BTD: variants seen among roughly 807,000 people sequenced by gnomAD.
BTD encodes the protein biotinidase, also known as biocytinase.
Under a neutral mutation model 17.7 loss-of-function variants are expected in BTD, and 13 were observed. The observed-to-expected ratio is 0.74, with a 90% CI of 0.48 to 1.17. The LOEUF (loss-of-function observed/expected upper bound fraction) is 1.17, where lower values mean the gene tolerates loss of function less well. BTD is among the 50% of genes most tolerant of loss of function. BTD has a pLI of 0.00. For missense variants in BTD, 674 were observed against 650.4 expected (o/e 1.04, Z -0.39); for synonymous variants, 240 against 245.2 (o/e 0.98, Z 0.20).
chr3:15,690,591 G>T (rs2068658138), intron 3 of BTD, among the ~76,000 whole-genome samples: 1 of 152,078 alleles, frequency 6.6e-6, no homozygotes, highest in Non-Finnish European at 1.5e-5. Flanking sequence ...TTGAGACAGG[G>T]TCTTGCTCTG....
intron 3 of BTD, among the ~76,000 whole-genome samples, chr3:15,688,149 T>C (rs1341263494): frequency 6.6e-6 from 1 of 152,234 alleles, no homozygotes; most frequent in Non-Finnish European, 1.5e-5. Context: ...CAGTTCAATA[T>C]TTACCTATTG....
intron 3 of BTD, among the ~76,000 whole-genome samples, chr3:15,674,196 A>AAAAAAAAAAAAAAAAAAAAACAAAAAAG (rs1470515364): frequency 7.7e-6 from 1 of 130,082 alleles, no homozygotes; most frequent in Non-Finnish European, 1.5e-5. Flanking sequence ...AAAAAAAAAA[A>AAAAAAAAAAAAAAAAAAAAACAAAAAAG]AAGAAGAAGA....
intron 1 of BTD, among the ~76,000 whole-genome samples, chr3:15,612,665 G>C (rs2064670194): frequency 6.7e-6 from 1 of 148,630 alleles, no homozygotes; most frequent in South Asian, 2.1e-4. Context: ...TTTCTGGTGA[G>C]TTTTCTTCAA....
chr3:15,619,650 G>T (rs899601675), intron 1 of BTD, among the ~76,000 whole-genome samples: 1 of 152,182 alleles, frequency 6.6e-6, no homozygotes, highest in African/African-American at 2.4e-5. Flanking sequence ...ATTTTGCTAA[G>T]GATTATTGCA....
At chr3:15,661,534 T>C (rs1465947510) in intron 3 of BTD, among the ~76,000 whole-genome samples, 1 of 152,194 alleles carries the variant, frequency 6.6e-6, no homozygotes, top group African/African-American at 2.4e-5. Flanking sequence ...AAGGGTTCTT[T>C]GTATATTTTG....
chr3:15,702,512 TTC>T lies in BTD; in HGVS notation c.400-7546_400-7545del, dbSNP rs780956870. Among the ~76,000 whole-genome samples, 63 of 152,296 alleles carry T rather than the reference TTC, an allele frequency of 4.1e-4. No homozygotes were observed. In the Middle Eastern group the frequency reaches 0.01, roughly 25 times the overall value. On this transcript the variant is annotated intron_variant, in intron 3 of 3. Transcript: ENST00000672141. ...AAAAAATATTTAAGGCTAAACAATA[TTC>T]TGTTACAATTTTTTCCTCAATGTTA...
At chr3:15,688,236 TAATA>T (rs1463035802) in intron 3 of BTD, among the ~76,000 whole-genome samples, 1 of 152,236 alleles carries the variant, frequency 6.6e-6, no homozygotes, top group African/African-American at 2.4e-5. Context: ...AGCTATAGAT[TAATA>T]TTTTTAAAAT....
In BTD at chr3:15,665,595, A is replaced by T. The variant is rs1275239417; in HGVS notation, c.399+23538A>T. Among the ~76,000 whole-genome samples, 5 of 152,226 alleles carry T rather than the reference A, an allele frequency of 3.3e-5. No homozygotes were observed. In the East Asian group the frequency reaches 9.6e-4, roughly 29 times the overall value. On this transcript the variant is annotated intron_variant, in intron 3 of 3. Transcript: ENST00000672141. ...ACCAAGCATTCCCATGGAAAAGTTG[A>T]AACAGCAACAAATCGGTTGGCATCA...
chr3:15,657,188 A>G (rs1203460531), downstream of BTD, among the ~76,000 whole-genome samples: 7 of 152,222 alleles, frequency 4.6e-5, no homozygotes, highest in African/African-American at 1.7e-4. Flanking sequence ...GGCCAGAAAC[A>G]GGCACAGTGG....
intron 3 of BTD, among the ~76,000 whole-genome samples, chr3:15,664,797 AT>A (rs533617837): frequency 1.3e-5 from 2 of 152,118 alleles, no homozygotes; most frequent in Non-Finnish European, 2.9e-5. Context: ...TTAAATTACT[AT>A]TTTTTTCAAT....
At chr3:15,608,837 A>G (rs1165834608) in intron 1 of BTD, among the ~76,000 whole-genome samples, 1 of 152,040 alleles carries the variant, frequency 6.6e-6, no homozygotes, top group Non-Finnish European at 1.5e-5. Context: ...AGTGTCCCAC[A>G]GGGTAGGCAA....
At chr3:15,656,112 A>G (rs1259355300), downstream of BTD, among the ~76,000 whole-genome samples, 1 of 152,074 alleles carries the variant, frequency 6.6e-6, no homozygotes, top group Non-Finnish European at 1.5e-5. Context: ...CTACTTTGTT[A>G]TTATTATAGA....
In BTD at chr3:15,650,939, T is replaced by C. The variant is rs2125525891; in HGVS notation, c.*5451T>C. 6.6e-6 allele frequency among the ~76,000 whole-genome samples: 1 copy of C among 152,192 alleles called. No homozygotes were observed. The highest frequency in any genetic ancestry group is 2.1e-4 in the South Asian group (1 of 4,822). On this transcript the variant is annotated 3_prime_UTR_variant, in exon 4 of 4. Transcript: ENST00000643237. ...CACGTGCCACCACGCCCAGCTAATT[T>C]TTTGTATTTTTATAGAGACAGGGTT...
At chr3:15,715,135 A>C (rs1322490881), downstream of BTD, among the ~76,000 whole-genome samples, 1 of 152,206 alleles carries the variant, frequency 6.6e-6, no homozygotes, top group Non-Finnish European at 1.5e-5. Context: ...AATAAATCAG[A>C]CTGGCTGCAC....
chr3:15,673,666 A>C (rs2066608016), intron 3 of BTD, among the ~76,000 whole-genome samples: 1 of 152,172 alleles, frequency 6.6e-6, no homozygotes, highest in African/African-American at 2.4e-5. Context: ...CTTCATTGAG[A>C]AGATGAAACT....
At chr3:15,710,969 C>T (rs998831580) in exon 4 of BTD, among the ~76,000 whole-genome samples, 8 of 152,098 alleles carry the variant, frequency 5.3e-5, no homozygotes, top group Non-Finnish European at 1.0e-4. Context: ...TGTTCTTTTA[C>T]AGAAGGCAGT....
At chr3:15,626,886 T>C (rs928720878) in intron 1 of BTD, among the ~76,000 whole-genome samples, 1 of 152,070 alleles carries the variant, frequency 6.6e-6, no homozygotes, top group Admixed American at 6.5e-5. Context: ...GCAATGGCAC[T>C]TGTGTTAGAA....
At chr3:15,661,593 T>C (rs937293833) in intron 3 of BTD, among the ~76,000 whole-genome samples, 1 of 152,234 alleles carries the variant, frequency 6.6e-6, no homozygotes, top group African/African-American at 2.4e-5. Context: ...TCCCAGTCTA[T>C]GGCTTGCCTT....
At chr3:15,711,355 C>T (rs2072250734) in exon 4 of BTD, 2 of 1,216,900 alleles carry the variant, frequency 1.6e-6, no homozygotes, top group East Asian at 2.4e-5. Context: ...TCAAGAATCA[C>T]ATCCTCCCCT....
Sources: gnomAD v4.1 joint callset for allele counts (sites outside exome capture counted in the v4.1 genomes callset) on GRCh38, gnomAD v4.1.1 for gene constraint, MANE v1.5 for transcripts, NCBI Gene and HGNC (gene_info 2026-07-23, HGNC 2026-07-21) for gene names.